KDM3B: variants seen among roughly 807,000 people sequenced by gnomAD.
The protein encoded by KDM3B is lysine demethylase 3B.
Under a neutral mutation model 170.0 loss-of-function variants are expected in KDM3B, and 10 were observed. The observed-to-expected ratio is 0.06, with a 90% CI of 0.04 to 0.10. The LOEUF (loss-of-function observed/expected upper bound fraction) is 0.10, where lower values mean the gene tolerates loss of function less well. Ranked by LOEUF, KDM3B falls within the 10% of genes least tolerant of loss-of-function variation. The pLI, the probability that KDM3B is intolerant of heterozygous loss-of-function variation, is 1.00. For missense variants in KDM3B, 1,394 were observed against 2,195.2 expected, an observed-to-expected ratio of 0.64 and a Z score of 7.29; for synonymous variants, 831 against 834.8, an observed-to-expected ratio of 1.00 and a Z score of 0.08.
At chr5:138,381,696 C>T in intron 6 of KDM3B, 106 bp downstream of exon 6, 1 of 676,376 alleles carries the variant, frequency 1.5e-6, no homozygotes, top group South Asian at 1.9e-5. Context: ...TTGAGTTGTT[C>T]AGCTTTAGCC....
At chr5:138,394,187 A>G (rs1762497751) in intron 9 of KDM3B, among the ~76,000 whole-genome samples, 2 of 152,152 alleles carry the variant, frequency 1.3e-5, no homozygotes, top group South Asian at 2.1e-4. Context: ...AGCATGGGCA[A>G]CATAGTGAGA....
At chr5:138,389,353 C>T (rs1359786355) in intron 7 of KDM3B, among the ~76,000 whole-genome samples, 1 of 152,228 alleles carries the variant, frequency 6.6e-6, no homozygotes, top group East Asian at 1.9e-4. Flanking sequence ...TGAATGTTAA[C>T]TCCTCTTGTG....
intron 23 of KDM3B, among the ~76,000 whole-genome samples, chr5:138,433,242 G>C (rs974357328): frequency 1.3e-5 from 2 of 151,088 alleles, no homozygotes; most frequent in African/African-American, 4.9e-5. Context: ...CTCTCGAGTA[G>C]CTGGGATTAC....
chr5:138,365,308 T>G (rs1170418633), intron 1 of KDM3B, among the ~76,000 whole-genome samples: 3 of 152,168 alleles, frequency 2.0e-5, no homozygotes. Flanking sequence ...TCTCCCAGCC[T>G]GGAGTACGAT....
At position 138,390,193 on chromosome 5, in the gene KDM3B, G is replaced by A. The variant is rs552260580; in HGVS notation, c.1381-820G>A. On this transcript the variant is annotated intron_variant, in intron 7 of 23. Transcript: ENST00000314358. ...TTTATACAGTCATTCACAAGCAGAA[G>A]TTAACATTTTGAAGGTAAAAGAAGG... 6.5e-4 allele frequency among the ~76,000 whole-genome samples: 99 copies of A among 152,024 alleles called. No homozygotes were observed. In the South Asian group the frequency reaches 0.012, roughly 18 times the overall value.
chr5:138,368,074 A>T (rs1455690734), intron 1 of KDM3B, among the ~76,000 whole-genome samples: 1 of 151,784 alleles, frequency 6.6e-6, no homozygotes, highest in East Asian at 1.9e-4. Flanking sequence ...TACTAAGATT[A>T]TCAACCTCCC....
chr5:138,430,611 C>T (rs182427217), intron 22 of KDM3B, among the ~76,000 whole-genome samples, 186 bp downstream of exon 22: 5 of 152,246 alleles, frequency 3.3e-5, no homozygotes, highest in Non-Finnish European at 7.3e-5. Context: ...TTAAACAGGG[C>T]GGTCCTGGTA....
chr5:138,400,854 A>C (rs1365079759), intron 11 of KDM3B, among the ~76,000 whole-genome samples: 1 of 150,826 alleles, frequency 6.6e-6, no homozygotes, highest in Non-Finnish European at 1.5e-5. Flanking sequence ...GTCACTGCCG[A>C]TTCCTCCTCA....
intron 7 of KDM3B, among the ~76,000 whole-genome samples, chr5:138,389,782 CTGTGTGTGTGTGTGTGTG>C: frequency 1.4e-5 from 2 of 143,558 alleles, no homozygotes; most frequent in East Asian, 4.1e-4. Flanking sequence ...CTCTCTCTCT[CTGTGTGTGTGTGTGTGTG>C]TGTGTGTGTG....
intron 6 of KDM3B, among the ~76,000 whole-genome samples, chr5:138,382,934 C>T (rs1486131136): frequency 1.3e-5 from 2 of 152,072 alleles, no homozygotes; most frequent in Admixed American, 6.6e-5. Flanking sequence ...CTTCATTAAG[C>T]ATATATTGTA....
intron 6 of KDM3B, among the ~76,000 whole-genome samples, chr5:138,381,928 C>G (rs1580896327): frequency 1.3e-5 from 2 of 150,754 alleles, no homozygotes; most frequent in South Asian, 4.2e-4. Flanking sequence ...CGTGATCTAC[C>G]AAGTAACAAG....
At chr5:138,392,553 A>G (rs988566887) in intron 8 of KDM3B, among the ~76,000 whole-genome samples, 2 of 152,120 alleles carry the variant, frequency 1.3e-5, no homozygotes, top group African/African-American at 2.4e-5. Flanking sequence ...ATTTCTTTGC[A>G]TTTGTCTCAT....
intron 8 of KDM3B, 146 bp from the exon 9 acceptor site, chr5:138,393,025 T>A: frequency 1.5e-6 from 1 of 673,620 alleles, no homozygotes. Flanking sequence ...TCCCTTCCTG[T>A]CAAGGATGGA....
intron 17 of KDM3B, among the ~76,000 whole-genome samples, chr5:138,426,342 A>C (rs2127001406): frequency 6.6e-6 from 1 of 152,196 alleles, no homozygotes; most frequent in African/African-American, 2.4e-5. Flanking sequence ...TGGGAGGCCG[A>C]GGCGGGTGGA....
intron 11 of KDM3B, among the ~76,000 whole-genome samples, chr5:138,405,546 T>C (rs1415205582): frequency 6.6e-6 from 1 of 151,874 alleles, no homozygotes; most frequent in East Asian, 1.9e-4. Flanking sequence ...TAGCAGCTTT[T>C]CTCAAACCAA....
rs569036144 is a variant in KDM3B at position 138,395,651 on chromosome 5, C to G, written c.2831+2279C>G. ...TTTTTTTTTGAGACGGAGTCTTGCC[C>G]TGTTGCCCAGGCTGGAGTGCAATGG... On this transcript the variant is annotated intron_variant, in intron 9 of 23. Transcript: ENST00000314358. Among the ~76,000 whole-genome samples the G allele has an allele frequency of 3.3e-5, 5 of 152,136 alleles. No individual in the cohort carries two copies. In the South Asian group the frequency reaches 1.0e-3, roughly 32 times the overall value.
chr5:138,374,318 A>G (rs1177327037), intron 2 of KDM3B: 1 of 441,980 alleles, frequency 2.3e-6, no homozygotes, highest in Non-Finnish European at 4.5e-6. Context: ...GCTGGAGTGC[A>G]ATGGCTCGAT....
chr5:138,435,703 A>G lies in KDM3B; in HGVS notation c.*3A>G, dbSNP rs189468108. ...AATCCAAACTGGCAAGGTCCTAGGC[A>G]TGGAGAAACTCCAAGCTCCTCTGTG... On this transcript the variant is annotated 3_prime_UTR_variant, in exon 24 of 24. Coordinates refer to ENST00000314358, the MANE Select transcript of KDM3B (RefSeq NM_016604.4). The G allele has an allele frequency of 6.2e-7, 1 of 1,608,688 alleles. No individual in the cohort carries two copies. Among genetic ancestry groups the G allele is most frequent in the East Asian group, 2.2e-5 (1 of 44,832 alleles).
At position 138,419,169 on chromosome 5, in the gene KDM3B, CCCT is replaced by C; in HGVS notation, c.3658_3660del (p.Ser1220del). ...GCCTCCTTGCCCTGACACGGCCCCA[CCCT>C]CCTCCGCCCTGCACTGGTTGGCAGA... On this transcript the variant is annotated inframe_deletion, in exon 14 of 24. Transcript: ENST00000314358. 1 of 1,614,196 alleles carries C rather than the reference CCCT, an allele frequency of 6.2e-7. No homozygotes were observed. The highest frequency in any genetic ancestry group is 8.5e-7 in the Non-Finnish European group (1 of 1,180,036).
Sources: gnomAD v4.1 joint callset for allele counts (sites outside exome capture counted in the v4.1 genomes callset) on GRCh38, gnomAD v4.1.1 for gene constraint, MANE v1.5 for transcripts, NCBI Gene and HGNC (gene_info 2026-07-23, HGNC 2026-07-21) for gene names.